The following HS6ST3 variants were observed in gnomAD, a reference collection of about 807,000 sequenced individuals.
HS6ST3 encodes heparan-sulfate 6-O-sulfotransferase 3.
Under a neutral mutation model 36.7 loss-of-function variants are expected in HS6ST3, and 12 were observed. That is an observed-to-expected ratio of 0.33 (90% CI 0.21 to 0.53). HS6ST3 has a LOEUF of 0.53. HS6ST3 is among the 20% of genes least tolerant of loss of function. HS6ST3 has a pLI of 0.95. For synonymous variants in HS6ST3, 240 were observed against 257.5 expected (o/e 0.93, Z 0.65); for missense variants, 584 against 640.9 (o/e 0.91, Z 0.96).
intron 1 of HS6ST3, among the ~76,000 whole-genome samples, chr13:96,539,695 C>T (rs1347909293): frequency 6.6e-6 from 1 of 152,064 alleles, no homozygotes; most frequent in African/African-American, 2.4e-5. Context: ...ATTATTTTTC[C>T]ACCATTTTAA....
intron 1 of HS6ST3, among the ~76,000 whole-genome samples, chr13:96,382,072 G>C (rs1017348049): frequency 6.6e-6 from 1 of 152,092 alleles, no homozygotes; most frequent in Non-Finnish European, 1.5e-5. Context: ...AATTTTGTGG[G>C]CTGACAGGGA....
intron 1 of HS6ST3, among the ~76,000 whole-genome samples, chr13:96,203,725 G>A (rs575894130): frequency 2.6e-5 from 4 of 152,246 alleles, no homozygotes; most frequent in African/African-American, 9.6e-5. Context: ...GGAAACACTG[G>A]CAGTGGATTC....
chr13:96,310,172 T>G (rs2054933164), intron 1 of HS6ST3, among the ~76,000 whole-genome samples: 1 of 152,220 alleles, frequency 6.6e-6, no homozygotes, highest in Non-Finnish European at 1.5e-5. Context: ...TTTGCATTTT[T>G]GTCATGCTGA....
intron 1 of HS6ST3, among the ~76,000 whole-genome samples, chr13:96,474,959 G>A (rs1332458035): frequency 6.6e-6 from 1 of 152,144 alleles, no homozygotes; most frequent in East Asian, 1.9e-4. Flanking sequence ...CTATGGATTA[G>A]CTATTGAAGC....
chr13:96,518,346 T>C (rs2056080912), intron 1 of HS6ST3, among the ~76,000 whole-genome samples: 1 of 152,192 alleles, frequency 6.6e-6, no homozygotes, highest in African/African-American at 2.4e-5. Context: ...CCCTTTTTTA[T>C]GGGAAGCAAT....
intron 1 of HS6ST3, among the ~76,000 whole-genome samples, chr13:96,237,085 C>T (rs2054538191): frequency 6.6e-6 from 1 of 152,136 alleles, no homozygotes; most frequent in African/African-American, 2.4e-5. Context: ...AGAAGTTGCT[C>T]AGGAGAATAG....
rs184506667 is a variant in HS6ST3 at position 96,613,124 on chromosome 13, T to C, written c.708-219366T>C. On this transcript the variant is annotated intron_variant, in intron 1 of 1. Transcript: ENST00000376705. ...CCATTCTCTTGCTTTGCTTACTTTC[T>C]TCGTGTTTATCACCACTTGACCTAT... is the stretch of plus-strand genomic sequence containing the variant. Among the ~76,000 whole-genome samples the C allele has an allele frequency of 7.3e-4, 111 of 152,354 alleles. 3 individuals carry two copies. Among genetic ancestry groups the C allele is most frequent in the Admixed American group, 6.5e-3 (99 of 15,304 alleles).
intron 1 of HS6ST3, among the ~76,000 whole-genome samples, chr13:96,337,582 A>G (rs1468489557): frequency 6.6e-6 from 1 of 152,032 alleles, no homozygotes; most frequent in East Asian, 1.9e-4. Context: ...CACCTTCTCT[A>G]CTTGGAACAT....
chr13:96,200,445 A>G (rs4771928), intron 1 of HS6ST3, among the ~76,000 whole-genome samples: 8,130 of 152,192 alleles, frequency 0.053, 328 homozygotes, highest in Admixed American at 0.13. Context: ...GGTATTTTAC[A>G]TGGTTAATTC....
At chr13:96,569,426 A>G (rs2138960931) in intron 1 of HS6ST3, among the ~76,000 whole-genome samples, 1 of 152,288 alleles carries the variant, frequency 6.6e-6, no homozygotes, top group East Asian at 1.9e-4. Context: ...AGAGAGATGG[A>G]AAGAGCCTGG....
chr13:96,391,614 A>C (rs1481366299), intron 1 of HS6ST3, among the ~76,000 whole-genome samples: 1 of 152,214 alleles, frequency 6.6e-6, no homozygotes, highest in Non-Finnish European at 1.5e-5. Flanking sequence ...ACAGTTCCAC[A>C]TGGCTGGGGA....
chr13:96,197,389 C>G (rs973257967), intron 1 of HS6ST3, among the ~76,000 whole-genome samples: 21 of 152,128 alleles, frequency 1.4e-4, no homozygotes, highest in African/African-American at 5.1e-4. Context: ...GGGTCCCTCC[C>G]ACAACATGTG....
chr13:96,470,473 C>T (rs899077995), intron 1 of HS6ST3, among the ~76,000 whole-genome samples: 5 of 152,090 alleles, frequency 3.3e-5, no homozygotes, highest in Admixed American at 1.3e-4. Context: ...TCATCATCTC[C>T]CACAAAAGAA....
chr13:96,782,257 C>A (rs940871940), intron 1 of HS6ST3, among the ~76,000 whole-genome samples: 2 of 152,158 alleles, frequency 1.3e-5, no homozygotes, highest in African/African-American at 4.8e-5. Context: ...ATTTAAGAAA[C>A]TGAAGGAGGC....
At chr13:96,337,405 T>C (rs1391537166) in intron 1 of HS6ST3, among the ~76,000 whole-genome samples, 1 of 152,218 alleles carries the variant, frequency 6.6e-6, no homozygotes, top group Admixed American at 6.5e-5. Context: ...GGAAATTTCT[T>C]CTGGATATTG....
At chr13:96,272,902 T>C (rs2054728251) in intron 1 of HS6ST3, among the ~76,000 whole-genome samples, 1 of 151,948 alleles carries the variant, frequency 6.6e-6, no homozygotes, top group African/African-American at 2.4e-5. Context: ...TGCGTGAAGC[T>C]TCTGCAGGAG....
At chr13:96,416,972 G>A (rs1430333679) in intron 1 of HS6ST3, among the ~76,000 whole-genome samples, 3 of 151,970 alleles carry the variant, frequency 2.0e-5, no homozygotes, top group African/African-American at 7.3e-5. Context: ...GGATGGTCTC[G>A]ATCTCTAGAC....
At chr13:96,495,110 T>C (rs1170017919) in intron 1 of HS6ST3, among the ~76,000 whole-genome samples, 1 of 152,190 alleles carries the variant, frequency 6.6e-6, no homozygotes. Flanking sequence ...TACTCTTCTC[T>C]TTTCCAGAAT....
chr13:96,447,590 G>A (rs548118815), intron 1 of HS6ST3, among the ~76,000 whole-genome samples: 5 of 152,232 alleles, frequency 3.3e-5, no homozygotes, highest in Admixed American at 2.0e-4. Context: ...TGGCCTACAT[G>A]TGCCTGTCAA....
Sources: gnomAD v4.1 joint callset for allele counts (sites outside exome capture counted in the v4.1 genomes callset) on GRCh38, gnomAD v4.1.1 for gene constraint, MANE v1.5 for transcripts, NCBI Gene and HGNC (gene_info 2026-07-23, HGNC 2026-07-21) for gene names.